Variants in RAB2A observed in about 807,000 individuals in gnomAD.
RAB2A encodes the protein ras-related protein Rab-2A.
RAB2A carries 7 observed loss-of-function variants against 32.5 expected under a neutral mutation model. The ratio of observed to expected loss-of-function variants is 0.22; its 90% CI spans 0.12 to 0.40. The LOEUF (loss-of-function observed/expected upper bound fraction) is 0.40, where lower values mean the gene tolerates loss of function less well. Ranked by LOEUF, RAB2A falls within the 10% of genes least tolerant of loss-of-function variation. The pLI, the probability that RAB2A is intolerant of heterozygous loss-of-function variation, is 1.00. For synonymous variants in RAB2A, 79 were observed against 85.2 expected (o/e 0.93, Z 0.40); for missense variants, 108 against 260.7 (o/e 0.41, Z 4.03).
At chr8:60,609,111 A>C (rs1804291311) in intron 6 of RAB2A, among the ~76,000 whole-genome samples, 1 of 152,172 alleles carries the variant, frequency 6.6e-6, no homozygotes, top group Non-Finnish European at 1.5e-5. Flanking sequence ...TTAGCTTGGC[A>C]TGCAGGATGC....
intron 3 of RAB2A, among the ~76,000 whole-genome samples, chr8:60,577,654 C>T (rs917303933): frequency 1.3e-5 from 2 of 150,620 alleles, no homozygotes; most frequent in South Asian, 4.2e-4. Flanking sequence ...GACGGAGTCT[C>T]GCTCTGTCGC....
intron 6 of RAB2A, among the ~76,000 whole-genome samples, chr8:60,599,795 TA>T (rs1804099668): frequency 4.0e-5 from 6 of 151,414 alleles, no homozygotes; most frequent in Admixed American, 1.3e-4. Context: ...AAATGTAAAA[TA>T]TGAACATATT....
At chr8:60,543,220 A>C (rs1227695348) in intron 1 of RAB2A, among the ~76,000 whole-genome samples, 2 of 152,160 alleles carry the variant, frequency 1.3e-5, no homozygotes, top group Admixed American at 1.3e-4. Flanking sequence ...AATCACAGAA[A>C]GTTGTTCTGT....
At chr8:60,603,136 CTGATCCT>C (rs1192093601) in intron 6 of RAB2A, among the ~76,000 whole-genome samples, 1 of 152,196 alleles carries the variant, frequency 6.6e-6, no homozygotes, top group Non-Finnish European at 1.5e-5. Flanking sequence ...CACAACCCAG[CTGATCCT>C]TGGCACCTAT....
At chr8:60,605,358 A>G (rs575407543) in intron 6 of RAB2A, among the ~76,000 whole-genome samples, 1 of 152,360 alleles carries the variant, frequency 6.6e-6, no homozygotes, top group South Asian at 2.1e-4. Flanking sequence ...CTTCTAGGGC[A>G]GTGCAGAGGG....
At chr8:60,595,738 G>A (rs771969667) in intron 6 of RAB2A, among the ~76,000 whole-genome samples, 56 of 152,276 alleles carry the variant, frequency 3.7e-4, no homozygotes, top group South Asian at 8.3e-4. Flanking sequence ...GATAGACTGC[G>A]AGGAGAAATA....
At chr8:60,574,626 G>A (rs1808242714) in intron 3 of RAB2A, among the ~76,000 whole-genome samples, 1 of 151,896 alleles carries the variant, frequency 6.6e-6, no homozygotes, top group Non-Finnish European at 1.5e-5. Context: ...TTTGTTTTTT[G>A]AAACTTGAGT....
chr8:60,518,719 A>G (rs1453635995), intron 1 of RAB2A, among the ~76,000 whole-genome samples: 2 of 151,056 alleles, frequency 1.3e-5, no homozygotes, highest in Admixed American at 1.3e-4. Context: ...GTGTGTGTGG[A>G]AATTGGATTT....
Position 60,598,907 on chromosome 8 carries a change from T to TTGA in RAB2A, c.474+6941_474+6943dup, listed in dbSNP as rs1438028570. On this transcript the variant is annotated intron_variant, in intron 6 of 7. Coordinates refer to ENST00000262646, the MANE Select transcript of RAB2A (RefSeq NM_002865.3). ...TCTCTTCTCAACATTAATCAACATA[T>TTGA]TGATGGAAGTTCTAGCCAGTGCAGT... 5.1e-5 allele frequency among the ~76,000 whole-genome samples: 6 copies of TTGA among 118,120 alleles called. No individual in the cohort carries two copies. In the East Asian group the frequency reaches 1.5e-3, roughly 30 times the overall value. 77.5% of individuals were successfully genotyped at this position (118,120 alleles called of 152,430 possible).
intron 2 of RAB2A, 36 bp from the exon 3 acceptor site, chr8:60,572,010 C>G: frequency 6.8e-7 from 1 of 1,481,386 alleles, no homozygotes; most frequent in South Asian, 1.2e-5. Flanking sequence ...TATATTCCCA[C>G]TAATTTTGTA....
intron 1 of RAB2A, among the ~76,000 whole-genome samples, chr8:60,550,622 A>G (rs1807831022): frequency 6.6e-6 from 1 of 152,074 alleles, no homozygotes; most frequent in South Asian, 2.1e-4. Context: ...CCTGGGCTCA[A>G]GTAGTCCACC....
At chr8:60,547,843 C>A (rs1196358469) in intron 1 of RAB2A, among the ~76,000 whole-genome samples, 1 of 122,260 alleles carries the variant, frequency 8.2e-6, no homozygotes, top group Non-Finnish European at 1.7e-5. Context: ...GACCCCCCCA[C>A]CTCCCTCCTG....
chr8:60,620,753 G>A lies in RAB2A; in HGVS notation c.623G>A (p.Gly208Glu). The A allele has an allele frequency of 1.2e-6, 2 of 1,613,402 alleles. No individual in the cohort carries two copies. Among genetic ancestry groups the A allele is most frequent in the Non-Finnish European group, 1.7e-6 (2 of 1,179,834 alleles). Residue 208 changes from glycine (G) to glutamate (E), a missense_variant, in exon 8 of 8, where the codon GGG becomes GAG. Physicochemically the swap from Gly to Glu is moderately conservative, Grantham distance 98 (BLOSUM62 -2). Around this residue, in one of 4 missense-constraint regions of RAB2A, gnomAD observed 24 missense variants for 23.2 expected, o/e 1.04. Transcript: ENST00000262646. ...GGCAATCAGGGAGGACAGCAGGCTG[G>A]GGGCGGCTGCTGTTGAGTCTGTTTT... ...HAGNQGGQQA[G>E]GGCC
intron 3 of RAB2A, among the ~76,000 whole-genome samples, chr8:60,574,760 CA>C (rs1563474621): frequency 6.6e-6 from 1 of 152,022 alleles, no homozygotes; most frequent in African/African-American, 2.4e-5. Flanking sequence ...CTTTGCACAA[CA>C]ATAAACTTGC....
At chr8:60,572,609 AACC>A (rs1306511196) in intron 3 of RAB2A, among the ~76,000 whole-genome samples, 1 of 152,156 alleles carries the variant, frequency 6.6e-6, no homozygotes, top group African/African-American at 2.4e-5. Context: ...TCCTCATCTG[AACC>A]ACAATATACA....
At chr8:60,613,745 T>C (rs1397837290) in intron 6 of RAB2A, among the ~76,000 whole-genome samples, 2 of 152,234 alleles carry the variant, frequency 1.3e-5, no homozygotes, top group African/African-American at 4.8e-5. Context: ...GAATTTCTTT[T>C]AAGAAATAGT....
chr8:60,583,049 G>A (rs372489454), intron 3 of RAB2A, among the ~76,000 whole-genome samples: 1 of 151,902 alleles, frequency 6.6e-6, no homozygotes, highest in Non-Finnish European at 1.5e-5. Context: ...GGTGGGGGAT[G>A]GGGGAGGGAG....
At chr8:60,521,159 CTT>C (rs1807296065) in intron 1 of RAB2A, among the ~76,000 whole-genome samples, 1 of 152,160 alleles carries the variant, frequency 6.6e-6, no homozygotes, top group Non-Finnish European at 1.5e-5. Context: ...AGGTCTTTGC[CTT>C]TGTCTTAGAT....
At chr8:60,567,228 G>T (rs1344926032) in intron 2 of RAB2A, among the ~76,000 whole-genome samples, 1 of 150,274 alleles carries the variant, frequency 6.7e-6, no homozygotes, top group Admixed American at 6.7e-5. Context: ...TAATTCTTGC[G>T]CCTCAGCCTC....
Sources: gnomAD v4.1 joint callset for allele counts (sites outside exome capture counted in the v4.1 genomes callset) on GRCh38, gnomAD v4.1.1 for gene constraint, gnomAD v4.1.1 regional missense constraint, MANE v1.5 for transcripts, NCBI Gene and HGNC (gene_info 2026-07-23, HGNC 2026-07-21) for gene names.